The following PPHLN1 variants were observed in gnomAD, a reference collection of about 807,000 sequenced individuals.
The protein encoded by PPHLN1 is periphilin-1.
Under a neutral mutation model 51.3 loss-of-function variants are expected in PPHLN1, and 29 were observed. The observed-to-expected ratio is 0.57, with a 90% CI of 0.42 to 0.77. The LOEUF (loss-of-function observed/expected upper bound fraction) is 0.77, where lower values mean the gene tolerates loss of function less well. PPHLN1 is among the 30% of genes least tolerant of loss of function. PPHLN1 has a pLI of 0.00. For synonymous variants in PPHLN1, 147 were observed against 147.8 expected, an observed-to-expected ratio of 0.99 and a Z score of 0.04; for missense variants, 436 against 438.4, an observed-to-expected ratio of 0.99 and a Z score of 0.05.
intron 2 of PPHLN1, among the ~76,000 whole-genome samples, chr12:42,342,255 ATTCG>A (rs1014973788): frequency 2.0e-5 from 3 of 150,574 alleles, no homozygotes; most frequent in Admixed American, 6.6e-5. Context: ...TCATTCATTC[ATTCG>A]TTCATATGTA....
chr12:42,401,970 T>C (rs2078884380), intron 9 of PPHLN1, among the ~76,000 whole-genome samples: 1 of 151,980 alleles, frequency 6.6e-6, no homozygotes, highest in Admixed American at 6.5e-5. Context: ...TACTCCCACC[T>C]CACCCTCCTG....
Position 42,393,561 on chromosome 12 carries a change from T to A in PPHLN1, c.649-9T>A. The A allele has an allele frequency of 6.3e-7, 1 of 1,580,742 alleles. No individual in the cohort carries two copies. Among genetic ancestry groups the A allele is most frequent in the Non-Finnish European group, 8.6e-7 (1 of 1,168,964 alleles). On this transcript the variant is annotated splice_polypyrimidine_tract_variant and intron_variant, in intron 7 of 9. Transcript: ENST00000358314. ...GAGAATTGTAACAGAAATGTTCTAT[T>A]TTTATTAGGTGTTAGACAAACCCAG...
At chr12:42,423,813 A>G (rs1011631923) in intron 9 of PPHLN1, among the ~76,000 whole-genome samples, 1 of 151,990 alleles carries the variant, frequency 6.6e-6, no homozygotes. Context: ...AGTTGCTGGG[A>G]CTACAGGCAT....
chr12:42,374,607 A>ATTTT (rs35683626), intron 4 of PPHLN1: 75 of 160,334 alleles, frequency 4.7e-4, no homozygotes, highest in Non-Finnish European at 7.1e-4. Flanking sequence ...CGCCCAGCTA[A>ATTTT]TTTTTTTTTT....
chr12:42,329,105 T>TG (rs1470745830), intron 1 of PPHLN1, among the ~76,000 whole-genome samples: 151 of 143,456 alleles, frequency 1.1e-3, no homozygotes, highest in African/African-American at 2.5e-3. Flanking sequence ...TTTTTTTTTT[T>TG]TTTTGTGTGT....
At chr12:42,445,699 T>C, downstream of PPHLN1, 1 of 309,664 alleles carries the variant, frequency 3.2e-6, no homozygotes, top group Non-Finnish European at 5.9e-6. Flanking sequence ...CAGGCCGTAG[T>C]AGAACGTGCC....
intron 9 of PPHLN1, among the ~76,000 whole-genome samples, chr12:42,425,630 A>G (rs61926594): frequency 0.23 from 30,283 of 132,250 alleles, 3,413 homozygotes; most frequent in African/African-American, 0.34. Flanking sequence ...CTTGTGATCC[A>G]CCTGCCTCGG....
intron 2 of PPHLN1, among the ~76,000 whole-genome samples, chr12:42,344,910 A>AT (rs1392059229): frequency 1.4e-4 from 22 of 152,122 alleles, no homozygotes; most frequent in Non-Finnish European, 3.1e-4. Flanking sequence ...GGGTTTCACC[A>AT]TGTTAGCCAG....
At chr12:42,377,462 C>T (rs923027832) in intron 5 of PPHLN1, among the ~76,000 whole-genome samples, 5 of 151,920 alleles carry the variant, frequency 3.3e-5, no homozygotes, top group Admixed American at 2.6e-4. Context: ...TGCACCACCA[C>T]GCCCAGGTAA....
chr12:42,426,886 G>C (rs556086404), intron 9 of PPHLN1, among the ~76,000 whole-genome samples: 1 of 152,166 alleles, frequency 6.6e-6, no homozygotes, highest in Non-Finnish European at 1.5e-5. Flanking sequence ...GACCTCTTTG[G>C]TGGTAGATGA....
chr12:42,327,602 T>A (rs1258230038), intron 1 of PPHLN1, among the ~76,000 whole-genome samples: 2 of 152,134 alleles, frequency 1.3e-5, no homozygotes, highest in East Asian at 3.8e-4. Context: ...TTCCATAGAG[T>A]TAGGTATTTT....
chr12:42,397,137 T>C (rs913271686), intron 8 of PPHLN1, among the ~76,000 whole-genome samples: 2 of 152,184 alleles, frequency 1.3e-5, no homozygotes, highest in African/African-American at 4.8e-5. Flanking sequence ...TAGGGTGTTA[T>C]TTTTGGCTTC....
Position 42,378,251 on chromosome 12 carries a change from A to G in PPHLN1, c.511+3177A>G, listed in dbSNP as rs148267048. On this transcript the variant is annotated intron_variant, in intron 5 of 9. Coordinates refer to ENST00000358314, the MANE Select transcript of PPHLN1 (RefSeq NM_201439.2). ...ATTCCTTAACTACTTGGGCTGAACTATGAAAATTTTTTCTATTTTCCCTTC... is the reference window on the plus strand; with the variant it reads ...ATTCCTTAACTACTTGGGCTGAACTGTGAAAATTTTTTCTATTTTCCCTTC... Among the ~76,000 whole-genome samples, 829 of 152,260 alleles carry G rather than the reference A, an allele frequency of 5.4e-3. 7 individuals carry two copies. Among genetic ancestry groups the G allele is most frequent in the African/African-American group, 0.019 (791 of 41,552 alleles).
chr12:42,446,288 A>G, downstream of PPHLN1: 2 of 1,586,874 alleles, frequency 1.3e-6, no homozygotes, highest in Non-Finnish European at 1.7e-6. Context: ...CAACTCACGC[A>G]AGGTATTGGT....
intron 4 of PPHLN1, among the ~76,000 whole-genome samples, chr12:42,358,552 A>G (rs1006985499): frequency 6.6e-6 from 1 of 152,020 alleles, no homozygotes; most frequent in South Asian, 2.1e-4. Context: ...CACCACACCC[A>G]TCTATTTTAT....
At chr12:42,367,727 A>T (rs1293003420) in intron 4 of PPHLN1, among the ~76,000 whole-genome samples, 1 of 152,140 alleles carries the variant, frequency 6.6e-6, no homozygotes, top group Non-Finnish European at 1.5e-5. Context: ...GATTAAAAGT[A>T]AATCATTATT....
intron 1 of PPHLN1, among the ~76,000 whole-genome samples, chr12:42,333,797 C>T (rs1215490359): frequency 2.0e-5 from 3 of 152,132 alleles, no homozygotes; most frequent in Non-Finnish European, 4.4e-5. Context: ...CCTTTACTAA[C>T]CTATGTAAGT....
rs371593978 is a variant in PPHLN1, at chr12:42,374,921, C to A, written c.358C>A (p.Arg120=). The A allele has an allele frequency of 1.3e-4, 202 of 1,613,204 alleles. 1 individual carries two copies. The highest frequency in any genetic ancestry group is 1.5e-4 in the Non-Finnish European group (177 of 1,179,826). The change falls in exon 5 of 10, where the codon CGG becomes AGG. Residue 120 remains arginine, a synonymous_variant. Coordinates refer to ENST00000358314, the MANE Select transcript of PPHLN1 (RefSeq NM_201439.2). ...CTACTCTTCCCATTATGCGAGAGAG[C>A]GGTCTCCTTATAAAAGGGACAATAC... ...SFYSSHYARE[R]SPYKRDNTFF...
intron 4 of PPHLN1, among the ~76,000 whole-genome samples, chr12:42,370,050 C>T (rs551768034): frequency 1.3e-5 from 2 of 152,300 alleles, no homozygotes; most frequent in African/African-American, 4.8e-5. Flanking sequence ...ATTGTTTTGC[C>T]GTTATCATGA....
Sources: allele counts gnomAD v4.1 joint callset (sites outside exome capture counted in the v4.1 genomes callset), GRCh38; gene constraint gnomAD v4.1.1; transcripts MANE v1.5; gene names NCBI Gene and HGNC (gene_info 2026-07-23, HGNC 2026-07-21).